The following BRINP3 variants were observed in gnomAD, a reference collection of about 807,000 sequenced individuals.
The protein encoded by BRINP3 is BMP/retinoic acid-inducible neural-specific protein 3.
Under a neutral mutation model 71.0 loss-of-function variants are expected in BRINP3, and 19 were observed. That is an observed-to-expected ratio of 0.27 (90% CI 0.19 to 0.39). The LOEUF is 0.39. Ranked by LOEUF, BRINP3 falls within the 10% of genes least tolerant of loss-of-function variation. The probability of loss-of-function intolerance (pLI) is 1.00; values close to 1 mark genes in which losing one functional copy is unlikely to be tolerated. For missense variants in BRINP3, 959 were observed against 940.8 expected, an observed-to-expected ratio of 1.02 and a Z score of -0.25; for synonymous variants, 380 against 337.7, an observed-to-expected ratio of 1.13 and a Z score of -1.37.
chr1:190,340,854 T>C (rs1391150728), intron 2 of BRINP3, among the ~76,000 whole-genome samples: 1 of 151,836 alleles, frequency 6.6e-6, no homozygotes, highest in Non-Finnish European at 1.5e-5. Flanking sequence ...GATTCTAATG[T>C]AGAGAATACT....
At chr1:190,226,824 A>G (rs1217526294) in intron 5 of BRINP3, among the ~76,000 whole-genome samples, 1 of 151,988 alleles carries the variant, frequency 6.6e-6, no homozygotes, top group Non-Finnish European at 1.5e-5. Context: ...TTAACAACAT[A>G]TAAGTTATAT....
At chr1:190,116,715 T>C (rs558439196) in intron 7 of BRINP3, among the ~76,000 whole-genome samples, 17 of 152,154 alleles carry the variant, frequency 1.1e-4, no homozygotes, top group African/African-American at 4.1e-4. Context: ...TAAATTTTTA[T>C]TTATGGAATA....
intron 2 of BRINP3, among the ~76,000 whole-genome samples, chr1:190,424,870 A>G (rs1368965620): frequency 6.6e-6 from 1 of 151,686 alleles, no homozygotes; most frequent in Non-Finnish European, 1.5e-5. Flanking sequence ...TATTGTATCA[A>G]TAGTATGCAA....
chr1:190,380,863 G>A lies in BRINP3; in HGVS notation c.236+73792C>T, dbSNP rs1314040511. On this transcript the variant is annotated intron_variant, in intron 2 of 7. Coordinates refer to ENST00000367462, the MANE Select transcript of BRINP3 (RefSeq NM_199051.3). ...CAAAATTAGCAAATAAATTAGTGGG[G>A]ATTAATGCCTAGGCTCATTTCTATC... 2.6e-5 allele frequency among the ~76,000 whole-genome samples: 4 copies of A among 152,106 alleles called. No homozygotes were observed. In the East Asian group the frequency reaches 5.8e-4, roughly 22 times the overall value.
intron 6 of BRINP3, among the ~76,000 whole-genome samples, chr1:190,207,170 T>G (rs1429250820): frequency 1.3e-5 from 2 of 152,118 alleles, no homozygotes; most frequent in African/African-American, 4.8e-5. Context: ...AGAGGATTCT[T>G]CATCAGGTAC....
intron 2 of BRINP3, among the ~76,000 whole-genome samples, chr1:190,320,953 T>TTATA: frequency 6.6e-6 from 1 of 151,842 alleles, no homozygotes; most frequent in African/African-American, 2.4e-5. Flanking sequence ...TGTATATATG[T>TTATA]TATATATATA....
intron 7 of BRINP3, among the ~76,000 whole-genome samples, chr1:190,133,227 A>T (rs574877939): frequency 6.6e-6 from 1 of 152,274 alleles, no homozygotes; most frequent in South Asian, 2.1e-4. Flanking sequence ...GTATTCTCTA[A>T]GAACTTGTAA....
chr1:190,475,751 T>C (rs1406179602), intron 1 of BRINP3: 1 of 152,230 alleles, frequency 6.6e-6, no homozygotes, highest in African/African-American at 2.4e-5. Flanking sequence ...CGCTTGAGCT[T>C]CAGGTATAAT....
intron 2 of BRINP3, among the ~76,000 whole-genome samples, chr1:190,364,714 A>T (rs1669373808): frequency 6.6e-6 from 1 of 152,164 alleles, no homozygotes; most frequent in Non-Finnish European, 1.5e-5. Flanking sequence ...ATCTTAAACA[A>T]ATTTCAATAA....
At chr1:190,300,070 G>A (rs1202812252) in intron 2 of BRINP3, among the ~76,000 whole-genome samples, 1 of 151,956 alleles carries the variant, frequency 6.6e-6, no homozygotes, top group Non-Finnish European at 1.5e-5. Flanking sequence ...GGCGTTCTCT[G>A]TATTTCCTGA....
At chr1:190,183,633 C>T (rs1025676823) in intron 6 of BRINP3, among the ~76,000 whole-genome samples, 1 of 152,148 alleles carries the variant, frequency 6.6e-6, no homozygotes, top group African/African-American at 2.4e-5. Context: ...TAATGCTCTG[C>T]AGATATCTCC....
At chr1:190,417,235 C>T (rs1469850995) in intron 2 of BRINP3, among the ~76,000 whole-genome samples, 1 of 151,630 alleles carries the variant, frequency 6.6e-6, no homozygotes, top group African/African-American at 2.4e-5. Flanking sequence ...ACCTATCTGG[C>T]TCTTAACAAA....
intron 6 of BRINP3, among the ~76,000 whole-genome samples, chr1:190,165,253 T>C (rs1262652875): frequency 6.6e-6 from 1 of 152,066 alleles, no homozygotes; most frequent in East Asian, 1.9e-4. Context: ...TTTAAATCCA[T>C]TTCTTCTACT....
At chr1:190,347,263 C>T (rs1469636315) in intron 2 of BRINP3, among the ~76,000 whole-genome samples, 1 of 152,102 alleles carries the variant, frequency 6.6e-6, no homozygotes, top group Non-Finnish European at 1.5e-5. Flanking sequence ...GCCTCAGCCT[C>T]CCCAGTAGCT....
intron 2 of BRINP3, among the ~76,000 whole-genome samples, chr1:190,432,846 G>A (rs899362313): frequency 3.9e-5 from 6 of 152,038 alleles, no homozygotes; most frequent in Admixed American, 3.3e-4. Flanking sequence ...ACACTTAATG[G>A]TCATATATGT....
chr1:190,137,319 C>A (rs1209546771), intron 7 of BRINP3, among the ~76,000 whole-genome samples: 4 of 151,498 alleles, frequency 2.6e-5, no homozygotes, highest in Admixed American at 2.6e-4. Context: ...AAAAGAAATA[C>A]TCTGATTGCC....
At chr1:190,381,754 C>T (rs1670562561) in intron 2 of BRINP3, among the ~76,000 whole-genome samples, 1 of 152,084 alleles carries the variant, frequency 6.6e-6, no homozygotes, top group Non-Finnish European at 1.5e-5. Flanking sequence ...TGTTATAGGC[C>T]AATTTCATTT....
chr1:190,211,662 G>A (rs907882313), intron 6 of BRINP3, among the ~76,000 whole-genome samples: 77 of 152,056 alleles, frequency 5.1e-4, no homozygotes, highest in Non-Finnish European at 1.1e-3. Flanking sequence ...TGGAATGATG[G>A]CACTGATCTA....
At chr1:190,141,375 A>G (rs928315030) in intron 7 of BRINP3, among the ~76,000 whole-genome samples, 7 of 152,016 alleles carry the variant, frequency 4.6e-5, no homozygotes, top group Non-Finnish European at 8.8e-5. Flanking sequence ...TTAAATCCAT[A>G]TTCTTGATTG....
Sources: allele counts gnomAD v4.1 joint callset (sites outside exome capture counted in the v4.1 genomes callset), GRCh38; gene constraint gnomAD v4.1.1; transcripts MANE v1.5; gene names NCBI Gene and HGNC (gene_info 2026-07-23, HGNC 2026-07-21).